The following SEMA3E variants were observed in gnomAD, a reference collection of about 807,000 sequenced individuals.
SEMA3E encodes semaphorin 3E, also known as semaphorin-3E.
Under a neutral mutation model 93.6 loss-of-function variants are expected in SEMA3E, and 49 were observed. The ratio of observed to expected loss-of-function variants is 0.52; its 90% CI spans 0.42 to 0.66. The LOEUF is 0.66. Ranked by LOEUF, SEMA3E falls within the 30% of genes least tolerant of loss-of-function variation. The probability of loss-of-function intolerance (pLI) is 0.00; values close to 1 mark genes in which losing one functional copy is unlikely to be tolerated. For synonymous variants in SEMA3E, 363 were observed against 330.7 expected, an observed-to-expected ratio of 1.10 and a Z score of -1.06; for missense variants, 906 against 964.8, an observed-to-expected ratio of 0.94 and a Z score of 0.81.
intron 5 of SEMA3E, among the ~76,000 whole-genome samples, chr7:83,408,937 A>T (rs1788381440): frequency 6.6e-6 from 1 of 152,186 alleles, no homozygotes; most frequent in African/African-American, 2.4e-5. Context: ...GCTAATTCAA[A>T]TCCTTCTTGT....
intron 1 of SEMA3E, among the ~76,000 whole-genome samples, chr7:83,572,325 G>A (rs1418842171): frequency 6.6e-6 from 1 of 152,046 alleles, no homozygotes; most frequent in African/African-American, 2.4e-5. Flanking sequence ...ACTTCAAACT[G>A]TACCATAAGG....
rs80106583 is a variant in SEMA3E at position 83,598,836 on chromosome 7, G to T, written c.115+49592C>A. On this transcript the variant is annotated intron_variant, in intron 1 of 16. Transcript: ENST00000643230. ...CTCATTACATGCTATACACCTAAGT[G>T]TATATAAATTTACTCTTTAAAACAA... is the stretch of plus-strand genomic sequence containing the variant. Among the ~76,000 whole-genome samples, 106 of 152,174 alleles carry T rather than the reference G, an allele frequency of 7.0e-4. No homozygotes were observed. The East Asian group carries it at 0.02, about 29-fold the overall frequency.
intron 1 of SEMA3E, among the ~76,000 whole-genome samples, chr7:83,507,641 T>A (rs1379078244): frequency 6.6e-6 from 1 of 151,722 alleles, no homozygotes; most frequent in Non-Finnish European, 1.5e-5. Context: ...AACATGACAA[T>A]TAAAACTGAT....
intron 16 of SEMA3E, among the ~76,000 whole-genome samples, chr7:83,378,457 T>G (rs1490963972): frequency 6.6e-6 from 1 of 151,918 alleles, no homozygotes; most frequent in Non-Finnish European, 1.5e-5. Flanking sequence ...CAAAACAAAA[T>G]TTATTTCTAC....
chr7:83,463,584 T>G (rs1383384776), intron 4 of SEMA3E, among the ~76,000 whole-genome samples: 1 of 152,046 alleles, frequency 6.6e-6, no homozygotes, highest in Non-Finnish European at 1.5e-5. Context: ...CCACCTGACA[T>G]TCACCCCATT....
intron 1 of SEMA3E, among the ~76,000 whole-genome samples, chr7:83,497,086 G>T (rs1222207714): frequency 6.6e-6 from 1 of 152,100 alleles, no homozygotes; most frequent in Non-Finnish European, 1.5e-5. Context: ...TTGCTAAGCT[G>T]CATGCTAGTT....
At chr7:83,603,022 C>T (rs1312697052) in intron 1 of SEMA3E, among the ~76,000 whole-genome samples, 8 of 152,046 alleles carry the variant, frequency 5.3e-5, no homozygotes, top group Non-Finnish European at 8.8e-5. Flanking sequence ...TAAAACTTAA[C>T]CTATCAGAAA....
At chr7:83,640,288 A>G (rs1793978920) in intron 1 of SEMA3E, among the ~76,000 whole-genome samples, 1 of 152,146 alleles carries the variant, frequency 6.6e-6, no homozygotes, top group Admixed American at 6.5e-5. Context: ...TGGTTTCCCT[A>G]AATTAAAGCT....
At chr7:83,607,544 T>C (rs1257893906) in intron 1 of SEMA3E, among the ~76,000 whole-genome samples, 4 of 152,196 alleles carry the variant, frequency 2.6e-5, no homozygotes, top group Non-Finnish European at 5.9e-5. Flanking sequence ...TATAAGATTC[T>C]ATACAAATAT....
At chr7:83,525,198 T>C (rs945112157) in intron 1 of SEMA3E, among the ~76,000 whole-genome samples, 22 of 152,272 alleles carry the variant, frequency 1.4e-4, no homozygotes, top group Middle Eastern at 3.4e-3. Flanking sequence ...TGTTGCCTCC[T>C]GGATTTTAGA....
rs1188785376 is a variant in SEMA3E, at chr7:83,511,112, CT to C, written c.116-20839del. On this transcript the variant is annotated intron_variant, in intron 1 of 16. Coordinates refer to ENST00000643230, the MANE Select transcript of SEMA3E (RefSeq NM_012431.3). ...ACTTTCCAAATTTTTTGGTAAACTT[CT>C]TGTGGTTCCTGTAGTCTGTAGGGTT... Among the ~76,000 whole-genome samples the C allele has an allele frequency of 1.1e-4, 17 of 152,108 alleles. No homozygotes were observed. In the East Asian group the frequency reaches 3.1e-3, roughly 28 times the overall value.
chr7:83,628,461 T>A (rs1475566660), intron 1 of SEMA3E, among the ~76,000 whole-genome samples: 1 of 152,052 alleles, frequency 6.6e-6, no homozygotes, highest in Non-Finnish European at 1.5e-5. Context: ...CACAGTCCCA[T>A]GTTTCTTGGA....
At chr7:83,618,866 A>T (rs1793486225) in intron 1 of SEMA3E, among the ~76,000 whole-genome samples, 1 of 152,102 alleles carries the variant, frequency 6.6e-6, no homozygotes, top group African/African-American at 2.4e-5. Context: ...ATAATGGTTT[A>T]TCAAATATCT....
At chr7:83,514,658 C>T (rs560268005) in intron 1 of SEMA3E, among the ~76,000 whole-genome samples, 26 of 152,122 alleles carry the variant, frequency 1.7e-4, no homozygotes, top group African/African-American at 6.0e-4. Flanking sequence ...AGATTCTTTT[C>T]CCTTTTTAAT....
intron 2 of SEMA3E, among the ~76,000 whole-genome samples, chr7:83,483,984 C>CTGTA (rs1372651556): frequency 1.3e-5 from 2 of 152,176 alleles, no homozygotes; most frequent in African/African-American, 4.8e-5. Context: ...TCACATGGCT[C>CTGTA]TGTACCACCC....
intron 1 of SEMA3E, among the ~76,000 whole-genome samples, chr7:83,541,831 C>T (rs1016085364): frequency 6.6e-6 from 1 of 151,510 alleles, no homozygotes; most frequent in East Asian, 2.0e-4. Flanking sequence ...AGTGAGATTT[C>T]GTATGTTGGA....
chr7:83,497,313 G>T (rs1790507863), intron 1 of SEMA3E, among the ~76,000 whole-genome samples: 1 of 152,124 alleles, frequency 6.6e-6, no homozygotes, highest in Non-Finnish European at 1.5e-5. Flanking sequence ...AACAAAAATA[G>T]ATTTCAGGGG....
chr7:83,529,456 A>G (rs567305532), intron 1 of SEMA3E, among the ~76,000 whole-genome samples: 139 of 152,280 alleles, frequency 9.1e-4, no homozygotes, highest in African/African-American at 3.2e-3. Flanking sequence ...TATAAAATAA[A>G]CATAAAAGCA....
chr7:83,378,814 C>T (rs1448233134), intron 16 of SEMA3E, among the ~76,000 whole-genome samples: 1 of 151,770 alleles, frequency 6.6e-6, no homozygotes, highest in African/African-American at 2.4e-5. Flanking sequence ...TAAATTAGCA[C>T]AACCTTTATG....
Sources: gnomAD v4.1 joint callset for allele counts (sites outside exome capture counted in the v4.1 genomes callset) on GRCh38, gnomAD v4.1.1 for gene constraint, MANE v1.5 for transcripts, NCBI Gene and HGNC (gene_info 2026-07-23, HGNC 2026-07-21) for gene names.